Variants in SMAD5 observed in about 807,000 individuals in gnomAD.
SMAD5 encodes the protein SMAD family member 5.
Under a neutral mutation model 43.1 loss-of-function variants are expected in SMAD5, and 9 were observed. The observed-to-expected ratio is 0.21, with a 90% CI of 0.13 to 0.36. The LOEUF is 0.36. SMAD5 is among the 10% of genes least tolerant of loss of function. SMAD5 has a pLI of 1.00. For synonymous variants in SMAD5, 190 were observed against 192.4 expected (o/e 0.99, Z 0.10); for missense variants, 348 against 574.0 (o/e 0.61, Z 4.02).
chr5:136,172,818 G>A lies in SMAD5; in HGVS notation c.997+163G>A. 6.7e-6 allele frequency: 4 copies of A among 599,774 alleles called. No individual in the cohort carries two copies. The Admixed American group carries it at 8.8e-5, about 13-fold the overall frequency. 37.2% of individuals were successfully genotyped at this position (599,774 alleles called of 1,614,324 possible). Reference sequence around the variant, plus strand: ...GAATGTATTAATCAAATAAAGACATGATGTTCCCTCATTTTTTTGTCCTGC... The same window carrying A: ...GAATGTATTAATCAAATAAAGACATAATGTTCCCTCATTTTTTTGTCCTGC... On this transcript the variant is annotated intron_variant, in intron 6 of 7. Coordinates refer to ENST00000545279, the MANE Select transcript of SMAD5 (RefSeq NM_005903.7).
At chr5:136,170,617 A>G (rs1386579691) in intron 5 of SMAD5, among the ~76,000 whole-genome samples, 1 of 152,160 alleles carries the variant, frequency 6.6e-6, no homozygotes, top group Non-Finnish European at 1.5e-5. Context: ...TATCCAAAAA[A>G]TAGCTTGCAG....
In SMAD5 at chr5:136,180,319, A is replaced by G. The variant is rs1754582440; in HGVS notation, c.*2839A>G. ...ACAGAATGTTTTATAGTAAAATTCT[A>G]GCACCACTAGAATAATCACATAGCA... On this transcript the variant is annotated 3_prime_UTR_variant, in exon 8 of 8. Coordinates refer to ENST00000545279, the MANE Select transcript of SMAD5 (RefSeq NM_005903.7). The G allele has an allele frequency of 6.6e-6, 1 of 152,202 alleles. No homozygotes were observed. The highest frequency in any genetic ancestry group is 2.1e-4 in the South Asian group (1 of 4,838). 9.4% of individuals were successfully genotyped at this position (152,202 alleles called of 1,614,324 possible).
At chr5:136,162,514 CAAA>C (rs1292448129) in intron 4 of SMAD5, among the ~76,000 whole-genome samples, 1 of 152,116 alleles carries the variant, frequency 6.6e-6, no homozygotes, top group Non-Finnish European at 1.5e-5. Flanking sequence ...GGAATTTGCT[CAAA>C]AACAAATTTT....
At position 136,155,128 on chromosome 5, in the gene SMAD5, A is replaced by G. The variant is rs77260703; in HGVS notation, c.403+965A>G. Among the ~76,000 whole-genome samples, 245 of 152,328 alleles carry G rather than the reference A, an allele frequency of 1.6e-3. 2 individuals carry two copies. The highest frequency in any genetic ancestry group is 9.8e-3 in the East Asian group (51 of 5,184). ...CCTTGAGTTTTAGATTTGTGTATCC[A>G]GTTGCCTACTTGACATTTCCACTTG... On this transcript the variant is annotated intron_variant, in intron 3 of 7. Coordinates refer to ENST00000545279, the MANE Select transcript of SMAD5 (RefSeq NM_005903.7).
rs1754265567 is a variant in SMAD5, at chr5:136,172,564, T to C, written c.906T>C (p.Pro302=). 1 of 1,612,686 alleles carries C rather than the reference T, an allele frequency of 6.2e-7. No individual in the cohort carries two copies. The highest frequency in any genetic ancestry group is 1.3e-5 in the African/African-American group (1 of 74,892). The change falls in exon 6 of 8, where the codon CCT becomes CCC. Residue 302 remains proline, a synonymous_variant. Transcript: ENST00000545279. The part of the protein sequence containing the change: ...TSVLVDGFTD[P]SNNKSRFCLG... ...TGTTAGTAGATGGATTCACAGATCC[T>C]TCAAATAACAAAAGTAGATTCTGCT...
At chr5:136,159,487 A>G (rs1482458400) in intron 3 of SMAD5, among the ~76,000 whole-genome samples, 1 of 152,188 alleles carries the variant, frequency 6.6e-6, no homozygotes, top group Admixed American at 6.5e-5. Context: ...TTTTTTAAAA[A>G]TCGTGCATAG....
chr5:136,145,449 A>G (rs1185849251), intron 1 of SMAD5, among the ~76,000 whole-genome samples: 1 of 152,016 alleles, frequency 6.6e-6, no homozygotes, highest in Non-Finnish European at 1.5e-5. Context: ...AACATTCTTC[A>G]TACTTACATT....
At chr5:136,144,019 C>G (rs1361445258) in intron 1 of SMAD5, among the ~76,000 whole-genome samples, 2 of 152,026 alleles carry the variant, frequency 1.3e-5, no homozygotes, top group African/African-American at 4.8e-5. Flanking sequence ...CAGAGGTATA[C>G]TATGAAAGGC....
At position 136,179,224 on chromosome 5, in the gene SMAD5, A is replaced by G. The variant is rs1199333704; in HGVS notation, c.*1744A>G. ...GAACTCCAAAATATCCATTTAATCA[A>G]TCATGTTTTTGGCTTTGGATAAAGA... On this transcript the variant is annotated 3_prime_UTR_variant, in exon 8 of 8. Transcript: ENST00000545279. The G allele has an allele frequency of 2.6e-5, 4 of 152,570 alleles. No homozygotes were observed. Among genetic ancestry groups the G allele is most frequent in the African/African-American group, 7.2e-5 (3 of 41,438 alleles). 9.5% of individuals were successfully genotyped at this position (152,570 alleles called of 1,614,324 possible).
chr5:136,162,075 T>C (rs1753841364), intron 4 of SMAD5, among the ~76,000 whole-genome samples: 2 of 152,210 alleles, frequency 1.3e-5, no homozygotes, highest in Non-Finnish European at 2.9e-5. Flanking sequence ...TTCATGGTCA[T>C]GGGTAGCCAG....
intron 4 of SMAD5, 88 bp downstream of exon 4, chr5:136,161,195 A>C: frequency 8.6e-7 from 1 of 1,167,662 alleles, no homozygotes; most frequent in Non-Finnish European, 1.2e-6. Flanking sequence ...GTGAACTGTT[A>C]CATGCCAAGG....
In SMAD5 at chr5:136,172,797, G is replaced by A. The variant is rs148564042; in HGVS notation, c.997+142G>A. 8.6e-4 allele frequency: 545 copies of A among 632,054 alleles called. 5 individuals carry two copies. The African/African-American group carries it at 9.0e-3, about 10-fold the overall frequency. 39.2% of individuals were successfully genotyped at this position (632,054 alleles called of 1,614,324 possible). A position where few individuals can be genotyped will look rare whatever the true frequency, so the allele number is the denominator to read the frequency against. ...CCTTAAGTTGCCGATATTGAAGAAT[G>A]TATTAATCAAATAAAGACATGATGT... On this transcript the variant is annotated intron_variant, in intron 6 of 7. Transcript: ENST00000545279.
intron 2 of SMAD5, chr5:136,152,597 A>C (rs1753507571): frequency 6.6e-6 from 1 of 152,192 alleles, no homozygotes; most frequent in African/African-American, 2.4e-5. Flanking sequence ...TTGTTACTTT[A>C]GTAGGTATTT....
rs767796846 is a variant in SMAD5 at position 136,177,437 on chromosome 5, C to G, written c.1355C>G (p.Thr452Ser). The G allele has an allele frequency of 3.1e-6, 5 of 1,612,448 alleles. No homozygotes were observed. Among genetic ancestry groups the G allele is most frequent in the Non-Finnish European group, 4.2e-6 (5 of 1,178,858 alleles). ...CTTCAGTGGCTGGATAAAGTCCTTA[C>G]TCAGATGGGCTCCCCTCTGAACCCC... ...GPLQWLDKVL[T>S]QMGSPLNPIS... The change falls in exon 8 of 8, where the codon ACT becomes AGT. Residue 452 changes from threonine to serine, a missense_variant. Around this residue, in one of 5 missense-constraint regions of SMAD5, gnomAD observed 97 missense variants for 211.8 expected, o/e 0.46. Coordinates refer to ENST00000545279, the MANE Select transcript of SMAD5 (RefSeq NM_005903.7).
chr5:136,170,262 GAAGAGTGT>G (rs1443638030), intron 5 of SMAD5, among the ~76,000 whole-genome samples: 1 of 152,126 alleles, frequency 6.6e-6, no homozygotes, highest in Non-Finnish European at 1.5e-5. Flanking sequence ...TCAATTTTGT[GAAGAGTGT>G]AAGGTCTAGT....
chr5:136,143,495 A>C (rs1037685708), intron 1 of SMAD5, among the ~76,000 whole-genome samples: 6 of 152,028 alleles, frequency 3.9e-5, no homozygotes, highest in Admixed American at 3.3e-4. Context: ...CCTTGTATTC[A>C]CAGTCTTTCC....
At chr5:136,169,317 T>A (rs1754136161) in intron 5 of SMAD5, among the ~76,000 whole-genome samples, 2 of 152,200 alleles carry the variant, frequency 1.3e-5, no homozygotes, top group Admixed American at 1.3e-4. Flanking sequence ...GCTGATTAGA[T>A]GGTGCCTACC....
intron 1 of SMAD5, among the ~76,000 whole-genome samples, chr5:136,138,166 A>G (rs1752949335): frequency 6.6e-6 from 1 of 152,176 alleles, no homozygotes. Context: ...GAGCAGGTGA[A>G]GCTTAAAGAG....
chr5:136,145,427 G>T (rs1005648355), intron 1 of SMAD5, among the ~76,000 whole-genome samples: 3 of 151,938 alleles, frequency 2.0e-5, no homozygotes, highest in African/African-American at 7.2e-5. Context: ...GACAGTCCTG[G>T]AGCAGTGTCG....
Sources: gnomAD v4.1 joint callset for allele counts (sites outside exome capture counted in the v4.1 genomes callset) on GRCh38, gnomAD v4.1.1 for gene constraint, gnomAD v4.1.1 regional missense constraint, MANE v1.5 for transcripts, NCBI Gene and HGNC (gene_info 2026-07-23, HGNC 2026-07-21) for gene names.